TAF11: variants seen among roughly 807,000 people sequenced by gnomAD.
The protein encoded by TAF11 is transcription initiation factor TFIID subunit 11.
A neutral mutation model predicts 23.0 loss-of-function variants in TAF11; 10 were observed. The observed-to-expected ratio is 0.43, with a 90% CI of 0.27 to 0.74. The LOEUF (loss-of-function observed/expected upper bound fraction) is 0.74, where lower values mean the gene tolerates loss of function less well. Ranked by LOEUF, TAF11 falls within the 30% of genes least tolerant of loss-of-function variation. The pLI is 0.19. For missense variants in TAF11, 196 were observed against 261.7 expected (o/e 0.75, Z 1.73); for synonymous variants, 85 against 95.8 (o/e 0.89, Z 0.66).
At position 34,880,110 on chromosome 6, in the gene TAF11, G is replaced by A. The variant is rs896690778; in HGVS notation, c.409-47C>T. 1 of 1,587,048 alleles carries A rather than the reference G, an allele frequency of 6.3e-7. No individual in the cohort carries two copies. Among genetic ancestry groups the A allele is most frequent in the East Asian group, 2.2e-5 (1 of 44,724 alleles). ...CCGTGATCACAATAGTCAAAGACTG[G>A]CTTTGGAACACAGTACCAAGTAATT... On this transcript the variant is annotated intron_variant, in intron 3 of 4. Coordinates refer to ENST00000361288, the MANE Select transcript of TAF11 (RefSeq NM_005643.4). This position sits in a 1 kb window ranked among gnomAD's most constrained non-coding sequence, Gnocchi z 4.8.
In TAF11 at chr6:34,878,618, G is replaced by A. The variant is rs1581639029; in HGVS notation, c.608C>T (p.Ser203Leu). The change falls in exon 5 of 5, where the codon TCG becomes TTG. Residue 203 changes from serine to leucine, a missense_variant. Coordinates refer to ENST00000361288, the MANE Select transcript of TAF11 (RefSeq NM_005643.4). ...GAAGAAGATGATTTTTTTGTGCTTC[G>A]AGTTAGGGATCTGTCCTTTTGACTT... is the stretch of plus-strand genomic sequence containing the variant. ...RLKSKGQIPN[S>L]KHKKIIFF 6.2e-6 allele frequency: 10 copies of A among 1,605,918 alleles called. No homozygotes were observed. The highest frequency in any genetic ancestry group is 1.1e-5 in the South Asian group (1 of 90,922).
chr6:34,881,072 T>G (rs1766415419), intron 2 of TAF11, among the ~76,000 whole-genome samples: 1 of 152,194 alleles, frequency 6.6e-6, no homozygotes, highest in South Asian at 2.1e-4. Context: ...GAAAAGCCTT[T>G]GAAAATGTTC....
In TAF11 at chr6:34,883,032, A is replaced by C. The variant is rs1766470300; in HGVS notation, c.220T>G (p.Ser74Ala). The change falls in exon 2 of 5, where the codon TCA (serine) becomes GCA (alanine). Residue 74 changes from serine to alanine, a missense_variant. By Grantham distance (99) the Ser-to-Ala change is moderately conservative. Transcript: ENST00000361288. The stretch of plus-strand genomic sequence containing the variant: ...TTGGCTGCAGGATTAAGTAATGATG[A>C]GTCTTCCCTTTCAACTGTTGTTAAA... Reference protein sequence around the residue: ...SDLTTVEREDSSLLNPAAKKL... With the variant: ...SDLTTVEREDASLLNPAAKKL... 6.2e-7 allele frequency: 1 copy of C among 1,611,308 alleles called. No individual in the cohort carries two copies. Among genetic ancestry groups the C allele is most frequent in the Non-Finnish European group, 8.5e-7 (1 of 1,179,300 alleles).
intron 2 of TAF11, among the ~76,000 whole-genome samples, chr6:34,882,167 G>T (rs1016746053): frequency 6.7e-6 from 1 of 148,646 alleles, no homozygotes; most frequent in Non-Finnish European, 1.5e-5. Context: ...GCAAAAACCT[G>T]TATCTACTAA....
At chr6:34,879,529 T>C (rs1299175164) in intron 4 of TAF11, 2 of 970,364 alleles carry the variant, frequency 2.1e-6, no homozygotes, top group African/African-American at 3.9e-5. Context: ...AAAAAAAAAA[T>C]TTCACCAGCT....
chr6:34,879,505 T>G (rs1190700139), intron 4 of TAF11: 12 of 970,764 alleles, frequency 1.2e-5, no homozygotes, highest in Admixed American at 6.6e-5. Context: ...AGTATATATC[T>G]CCTGCTCAAA....
chr6:34,887,973 A>C lies in TAF11; in HGVS notation c.-16T>G. The C allele has an allele frequency of 6.2e-7, 1 of 1,613,164 alleles. No homozygotes were observed. The highest frequency in any genetic ancestry group is 1.1e-5 in the South Asian group (1 of 91,066). ...CATCGTCCATCACGGATAGGATTGGAGGGGAGAGGAGATCGCGGAGATGCC... is the reference window on the plus strand; with the variant it reads ...CATCGTCCATCACGGATAGGATTGGCGGGGAGAGGAGATCGCGGAGATGCC... On this transcript the variant is annotated 5_prime_UTR_variant, in exon 1 of 5. Transcript: ENST00000361288.
chr6:34,878,600 A>G lies in TAF11; in HGVS notation c.626T>C (p.Ile209Thr), dbSNP rs978296824. ...QIPNSKHKKIIFF is the reference protein window; with the variant it reads ...QIPNSKHKKITFF ...TTTCTAGACTTTGGTCTAGAAGAAG[A>G]TGATTTTTTTGTGCTTCGAGTTAGG... The change falls in exon 5 of 5, where the codon ATC becomes ACC. Residue 209 changes from isoleucine to threonine, a missense_variant. Transcript: ENST00000361288. The G allele has an allele frequency of 2.5e-6, 4 of 1,569,322 alleles. No homozygotes were observed. Among genetic ancestry groups the G allele is most frequent in the African/African-American group, 1.4e-5 (1 of 73,940 alleles).
rs1766403567 is a variant in TAF11, at chr6:34,880,425, A to G, written c.321-49T>C. 2.6e-6 allele frequency: 4 copies of G among 1,550,498 alleles called. No homozygotes were observed. Among genetic ancestry groups the G allele is most frequent in the Non-Finnish European group, 3.5e-6 (4 of 1,127,034 alleles). ...AGTTAACTTATAAGAACGAATACTCAAGATATTATGAAGTCAATAAAAGTT... is the reference window on the plus strand; with the variant it reads ...AGTTAACTTATAAGAACGAATACTCGAGATATTATGAAGTCAATAAAAGTT... On this transcript the variant is annotated intron_variant, in intron 2 of 4. Transcript: ENST00000361288. This position sits in a 1 kb window ranked among gnomAD's most constrained non-coding sequence, Gnocchi z 4.8.
intron 1 of TAF11, among the ~76,000 whole-genome samples, chr6:34,883,723 A>G (rs1014837840): frequency 4.6e-5 from 7 of 152,170 alleles, no homozygotes; most frequent in African/African-American, 1.7e-4. Flanking sequence ...CTTATGCTGG[A>G]TGTTTAATAA....
intron 1 of TAF11, 147 bp from the exon 2 acceptor site, chr6:34,883,227 A>AG: frequency 4.2e-6 from 3 of 712,486 alleles, no homozygotes; most frequent in Non-Finnish European, 6.7e-6. Flanking sequence ...CATCAAGGAT[A>AG]AGATACAGTA....
Position 34,887,818 on chromosome 6 carries a change from T to C in TAF11, c.140A>G (p.Asp47Gly). Residue 47 changes from aspartate (D) to glycine (G), a missense_variant, in exon 1 of 5, where the codon GAC (aspartate) becomes GGC (glycine). Asp to Gly is a moderately conservative substitution (Grantham distance 94). Coordinates refer to ENST00000361288, the MANE Select transcript of TAF11 (RefSeq NM_005643.4). The part of the protein sequence containing the change: ...PEETDGDADV[D>G]LKEAAAEEGE... ...TTCCTCCGCTGCAGCTTCTTTCAAGTCCACATCTGCGTCTCCGTCAGTTTC... is the reference window on the plus strand; with the variant it reads ...TTCCTCCGCTGCAGCTTCTTTCAAGCCCACATCTGCGTCTCCGTCAGTTTC... 6.2e-7 allele frequency: 1 copy of C among 1,614,220 alleles called. No individual in the cohort carries two copies. Among genetic ancestry groups the C allele is most frequent in the Non-Finnish European group, 8.5e-7 (1 of 1,180,036 alleles).
chr6:34,880,468 G>A lies in TAF11; in HGVS notation c.321-92C>T. Reference sequence around the variant, plus strand: ...TAAAAGTTTCAGACAATTCAAAAACGAATTCTTAAAGGGGTCAATGGCATT... The same window carrying A: ...TAAAAGTTTCAGACAATTCAAAAACAAATTCTTAAAGGGGTCAATGGCATT... On this transcript the variant is annotated intron_variant, in intron 2 of 4. Coordinates refer to ENST00000361288, the MANE Select transcript of TAF11 (RefSeq NM_005643.4). The surrounding 1 kb of genome is among the most constrained non-coding windows in gnomAD (Gnocchi z 4.8). The A allele has an allele frequency of 1.6e-6, 2 of 1,266,706 alleles. No individual in the cohort carries two copies. The highest frequency in any genetic ancestry group is 2.0e-5 in the Admixed American group (1 of 50,202). The allele number at this position is 1,266,706 out of a possible 1,614,324, so 78.5% of individuals were successfully genotyped here.
chr6:34,883,098 A>T lies in TAF11; in HGVS notation c.172-18T>A. ...CTCTCGAGCTGGGAAGATGAAAGAA[A>T]CTCTATTATATATTTGGCCTACTTT... is the stretch of plus-strand genomic sequence containing the variant. On this transcript the variant is annotated intron_variant, in intron 1 of 4. Coordinates refer to ENST00000361288, the MANE Select transcript of TAF11 (RefSeq NM_005643.4). The T allele has an allele frequency of 6.2e-7, 1 of 1,602,298 alleles. No individual in the cohort carries two copies. The highest frequency in any genetic ancestry group is 8.5e-7 in the Non-Finnish European group (1 of 1,177,256).
chr6:34,879,596 CTAGGGATCACAACAT>C lies in TAF11; in HGVS notation c.505+356_505+370del, dbSNP rs1766382158. The C allele has an allele frequency of 4.1e-6, 4 of 984,938 alleles. No individual in the cohort carries two copies. The South Asian group carries it at 1.9e-4, about 46-fold the overall frequency. 61.0% of individuals were successfully genotyped at this position (984,938 alleles called of 1,614,324 possible). On this transcript the variant is annotated intron_variant, in intron 4 of 4. Transcript: ENST00000361288. ...ACTCAATAAAGGGGTCAGGCAGTTC[CTAGGGATCACAACAT>C]TAGGGACAACTCACCATCCCACACA...
rs1244288265 is a variant in TAF11 at position 34,878,569 on chromosome 6, T to C, written c.*21A>G. 9.9e-6 allele frequency: 13 copies of C among 1,308,722 alleles called. No homozygotes were observed. Among genetic ancestry groups the C allele is most frequent in the East Asian group, 2.3e-5 (1 of 43,404 alleles). 81.1% of individuals were successfully genotyped at this position (1,308,722 alleles called of 1,614,324 possible). A position where few individuals can be genotyped will look rare whatever the true frequency, so the allele number is the denominator to read the frequency against. ...ACCAATACTTCTTCCGTCAGTAACA[T>C]AGGCCTTTCTAGACTTTGGTCTAGA... On this transcript the variant is annotated 3_prime_UTR_variant, in exon 5 of 5. Transcript: ENST00000361288.
chr6:34,882,807 A>C, intron 2 of TAF11, 125 bp downstream of exon 2: 2 of 1,180,928 alleles, frequency 1.7e-6, no homozygotes, highest in South Asian at 3.6e-5. Flanking sequence ...GCCCAGCCAT[A>C]ATGTATTAAT....
At chr6:34,884,372 C>T (rs957794114) in intron 1 of TAF11, among the ~76,000 whole-genome samples, 6 of 151,640 alleles carry the variant, frequency 4.0e-5, no homozygotes, top group African/African-American at 1.5e-4. Flanking sequence ...GATGACAGCA[C>T]ACGGACACAT....
rs1448553037 is a variant in TAF11 at position 34,882,989 on chromosome 6, G to A, written c.263C>T (p.Thr88Ile). ...CTGCTTTTTCTCTTTCTTTTCTTTG[G>A]TATCTATTTTCAGTTTTTTGGCTGC... ...NPAAKKLKID[T>I]KEKKEKKQKV... Residue 88 changes from threonine (T) to isoleucine (I), a missense_variant, in exon 2 of 5, where the codon ACC becomes ATC. Thr to Ile is a moderately conservative substitution (Grantham distance 89). Coordinates refer to ENST00000361288, the MANE Select transcript of TAF11 (RefSeq NM_005643.4). The A allele has an allele frequency of 6.2e-7, 1 of 1,610,572 alleles. No homozygotes were observed. The highest frequency in any genetic ancestry group is 1.1e-5 in the South Asian group (1 of 89,710).
Sources: gnomAD v4.1 joint callset for allele counts (sites outside exome capture counted in the v4.1 genomes callset) on GRCh38, gnomAD v4.1.1 for gene constraint, Gnocchi (gnomAD v3.1) non-coding constraint, MANE v1.5 for transcripts, NCBI Gene and HGNC (gene_info 2026-07-23, HGNC 2026-07-21) for gene names.